Variants in ELP1 observed in about 807,000 individuals in gnomAD.
ELP1 encodes elongator acetyltransferase complex subunit 1.
ELP1 carries 131 observed loss-of-function variants against 183.2 expected under a neutral mutation model. That is an observed-to-expected ratio of 0.72 (90% CI 0.62 to 0.83). ELP1 has a LOEUF of 0.83. Ranked by LOEUF, ELP1 falls within the 40% of genes least tolerant of loss-of-function variation. The pLI is 0.00. For missense variants in ELP1, 1,550 were observed against 1,594.9 expected (o/e 0.97, Z 0.48); for synonymous variants, 555 against 569.0 (o/e 0.98, Z 0.35).
chr9:108,877,939 T>C (rs1827761371), intron 35 of ELP1, 56 bp downstream of exon 35: 1 of 1,583,034 alleles, frequency 6.3e-7, no homozygotes, highest in African/African-American at 1.3e-5. Context: ...ATTGTGTGAA[T>C]ACAATAACCC....
At chr9:108,881,567 A>C (rs961313285) in intron 31 of ELP1, 138 bp downstream of exon 31, 9 of 654,328 alleles carry the variant, frequency 1.4e-5, no homozygotes, top group Non-Finnish European at 2.2e-5. Flanking sequence ...AGAATTAAAT[A>C]TTATATCCAG....
Position 108,927,397 on chromosome 9 carries a change from G to C in ELP1, c.360C>G (p.Asp120Glu), listed in dbSNP as rs775972369. 14 of 1,613,702 alleles carry C rather than the reference G, an allele frequency of 8.7e-6. No individual in the cohort carries two copies. Among genetic ancestry groups the C allele is most frequent in the Non-Finnish European group, 1.0e-5 (12 of 1,179,782 alleles). Residue 120 changes from aspartate to glutamate, a missense_variant, in exon 4 of 37, where the codon GAC becomes GAG. Physicochemically the swap from Asp to Glu is conservative, Grantham distance 45. Transcript: ENST00000374647. ...SGISVMSWSPDQELVLLATGQ... is the reference protein window; with the variant it reads ...SGISVMSWSPEQELVLLATGQ... ...CTGTGGCAAGAAGCACCAGCTCTTG[G>C]TCAGGACTCCAACTCATAACAGAGA...
intron 5 of ELP1, among the ~76,000 whole-genome samples, chr9:108,925,844 C>T (rs1009404565): frequency 3.1e-4 from 47 of 152,148 alleles, no homozygotes; most frequent in African/African-American, 1.0e-3. Context: ...GCCACTGTGC[C>T]CAGCCCTCCA....
rs1462031178 is a variant in ELP1 at position 108,885,867 on chromosome 9, ATGGGTGC to A, written c.3222+3458_3222+3464del. Among the ~76,000 whole-genome samples the A allele has an allele frequency of 3.9e-5, 6 of 152,262 alleles. No individual in the cohort carries two copies. In the East Asian group the frequency reaches 1.2e-3, roughly 29 times the overall value. ...TAGCAGTTTGATGGATCTTGGGGGT[ATGGGTGC>A]AAAGGAAGGGGGCTAAGGGTGGAAA... On this transcript the variant is annotated intron_variant, in intron 29 of 36. Coordinates refer to ENST00000374647, the MANE Select transcript of ELP1 (RefSeq NM_003640.5).
intron 35 of ELP1, among the ~76,000 whole-genome samples, chr9:108,876,767 T>A (rs920994319): frequency 6.6e-6 from 1 of 151,420 alleles, no homozygotes; most frequent in African/African-American, 2.4e-5. Flanking sequence ...GATTCGCTCT[T>A]GCTGCCCAGG....
chr9:108,932,915 C>A (rs534871602), intron 1 of ELP1, among the ~76,000 whole-genome samples: 4 of 152,166 alleles, frequency 2.6e-5, no homozygotes, highest in Admixed American at 2.6e-4. Flanking sequence ...AAAGGTCAAT[C>A]GTGGATTCTC....
chr9:108,877,010 C>A (rs779787959), intron 35 of ELP1, among the ~76,000 whole-genome samples: 1 of 152,162 alleles, frequency 6.6e-6, no homozygotes, highest in Non-Finnish European at 1.5e-5. Flanking sequence ...GGATTACAGG[C>A]GTGAGCCACC....
chr9:108,896,579 C>T lies in ELP1; in HGVS notation c.2653G>A (p.Val885Ile), dbSNP rs1169441555. ...EEALKYLLHL[V>I]DVNELYDHSL... The stretch of plus-strand genomic sequence containing the variant: ...TGATCATATAATTCATTAACATCTA[C>T]CAGATGCAGCAAATATTTCAAGGCC... The change falls in exon 25 of 37, where the codon GTA becomes ATA. Residue 885 changes from valine (V) to isoleucine (I), a missense_variant. Val to Ile is a conservative substitution (Grantham distance 29, BLOSUM62 3). Transcript: ENST00000374647. The T allele has an allele frequency of 5.0e-6, 8 of 1,613,452 alleles. No homozygotes were observed. In the East Asian group the frequency reaches 6.7e-5, roughly 13 times the overall value.
At chr9:108,898,876 A>G in intron 20 of ELP1, 127 bp from the exon 21 acceptor site, 1 of 683,760 alleles carries the variant, frequency 1.5e-6, no homozygotes, top group South Asian at 1.6e-5. Context: ...AGCTGCTATC[A>G]CTGGATTTCT....
At position 108,890,507 on chromosome 9, in the gene ELP1, C is replaced by T. The variant is rs540109477; in HGVS notation, c.3160+696G>A. ...AGTCATTGCTTTACTTCAAGCACTG[C>T]TGAGATGACCAGAGCTTCTGCTCAT... is the stretch of plus-strand genomic sequence containing the variant. On this transcript the variant is annotated intron_variant, in intron 28 of 36. Transcript: ENST00000374647. Among the ~76,000 whole-genome samples, 3 of 152,294 alleles carry T rather than the reference C, an allele frequency of 2.0e-5. No individual in the cohort carries two copies. In the East Asian group the frequency reaches 5.8e-4, roughly 29 times the overall value.
At chr9:108,887,208 C>T (rs953267186) in intron 29 of ELP1, among the ~76,000 whole-genome samples, 2 of 151,704 alleles carry the variant, frequency 1.3e-5, no homozygotes, top group Non-Finnish European at 2.9e-5. Context: ...GACTCTGTCT[C>T]AAAAATAAAA....
At position 108,896,614 on chromosome 9, in the gene ELP1, C is replaced by T; in HGVS notation, c.2618G>A (p.Ser873Asn). 1 of 1,613,930 alleles carries T rather than the reference C, an allele frequency of 6.2e-7. No homozygotes were observed. Among genetic ancestry groups the T allele is most frequent in the Admixed American group, 1.7e-5 (1 of 60,024 alleles). Residue 873 changes from serine (S) to asparagine (N), a missense_variant, in exon 25 of 37, where the codon AGT (serine) becomes AAT (asparagine). Ser to Asn is a conservative substitution (Grantham distance 46). Transcript: ENST00000374647. ...CAAATATTTCAAGGCCTCTTCAGCA[C>T]TCACAGCATCAGGATCAGAGGGAGC... is the stretch of plus-strand genomic sequence containing the variant. ...GNAPSDPDAV[S>N]AEEALKYLLH...
intron 12 of ELP1, among the ~76,000 whole-genome samples, chr9:108,909,928 A>AATATACATATATATAC (rs1171147666): frequency 1.3e-5 from 2 of 152,150 alleles, no homozygotes; most frequent in Admixed American, 1.3e-4. Context: ...CAACTCTGTG[A>AATATACATATATATAC]ATATACATAT....
chr9:108,889,627 T>C, intron 28 of ELP1: 2 of 579,976 alleles, frequency 3.4e-6, no homozygotes, highest in South Asian at 2.0e-5. Flanking sequence ...TTCCAAAGCA[T>C]GTATATGGGA....
At chr9:108,872,215 T>C (rs547795865) in intron 36 of ELP1, among the ~76,000 whole-genome samples, 4 of 152,176 alleles carry the variant, frequency 2.6e-5, no homozygotes, top group Non-Finnish European at 5.9e-5. Flanking sequence ...CATGTGGAGA[T>C]GGTTAGCGGC....
chr9:108,880,407 C>T (rs747077309), intron 31 of ELP1, among the ~76,000 whole-genome samples: 1 of 151,226 alleles, frequency 6.6e-6, no homozygotes, highest in East Asian at 1.9e-4. Context: ...ATCACCTGAA[C>T]GAAGACTTGA....
chr9:108,878,593 C>T (rs1353859338), intron 34 of ELP1, 30 bp downstream of exon 34: 10 of 1,613,870 alleles, frequency 6.2e-6, no homozygotes, highest in Non-Finnish European at 8.5e-6. Context: ...TGTTTGTGGT[C>T]AGGAATCATC....
chr9:108,915,145 T>G (rs1459671014), intron 10 of ELP1, among the ~76,000 whole-genome samples: 1 of 152,250 alleles, frequency 6.6e-6, no homozygotes, highest in Non-Finnish European at 1.5e-5. Context: ...TTCTTACTTT[T>G]ACGCTTAATC....
intron 25 of ELP1, among the ~76,000 whole-genome samples, chr9:108,895,665 T>C (rs1828515906): frequency 6.6e-6 from 1 of 152,198 alleles, no homozygotes; most frequent in African/African-American, 2.4e-5. Flanking sequence ...CATGAAGTAT[T>C]TTAAGCAGAG....
Sources: allele counts gnomAD v4.1 joint callset (sites outside exome capture counted in the v4.1 genomes callset), GRCh38; gene constraint gnomAD v4.1.1; transcripts MANE v1.5; gene names NCBI Gene and HGNC (gene_info 2026-07-23, HGNC 2026-07-21).